Variants in RNF213 observed in about 807,000 individuals in gnomAD.
The protein encoded by RNF213 is ring finger protein 213, also known as E3 ubiquitin-protein ligase RNF213.
Under a neutral mutation model 514.4 loss-of-function variants are expected in RNF213, and 341 were observed. The observed-to-expected ratio is 0.66, with a 90% CI of 0.61 to 0.73. The LOEUF (loss-of-function observed/expected upper bound fraction) is 0.73. RNF213 is among the 30% of genes least tolerant of loss of function. The pLI, the probability that RNF213 is intolerant of heterozygous loss-of-function variation, is 0.00. For missense variants in RNF213, 5,767 were observed against 6,615.6 expected (o/e 0.87, Z 4.45); for synonymous variants, 2,655 against 2,658.2 (o/e 1.00, Z 0.04).
At chr17:80,315,655 ATGG>A (rs1599004292) in intron 15 of RNF213, 2 of 103,188 alleles carry the variant, frequency 1.9e-5, no homozygotes, top group Non-Finnish European at 1.9e-5. Context: ...AATGGAGGTG[ATGG>A]TGGTGGTACT....
chr17:80,361,850 C>T lies in RNF213; in HGVS notation c.11317C>T (p.Leu3773Phe). 1.2e-6 allele frequency: 2 copies of T among 1,613,824 alleles called. No homozygotes were observed. Among genetic ancestry groups the T allele is most frequent in the Non-Finnish European group, 1.7e-6 (2 of 1,179,818 alleles). ...TCAGTGTTACTTGAAGGATTTCATT[C>T]TCTTGACCATGCGTGTGTCAACGGA... ...LLQCYLKDFI[L>F]LTMRVSTEEE... The change falls in exon 39 of 68, where the codon CTC (leucine) becomes TTC (phenylalanine). Residue 3773 changes from leucine (L) to phenylalanine (F), a missense_variant. Physicochemically the swap from Leu to Phe is conservative, Grantham distance 22. Transcript: ENST00000582970.
rs2046073146 is a variant in RNF213, at chr17:80,319,679, A to T, written c.3024+367A>T. On this transcript the variant is annotated intron_variant, in intron 17 of 67. Coordinates refer to ENST00000582970, the MANE Select transcript of RNF213 (RefSeq NM_001256071.3). ...TTGCTCAGTAGGTGTGCGGGAAGAG[A>T]CTCCAAAGGTTGACAGAACATTTAT... is the stretch of plus-strand genomic sequence containing the variant. 5.5e-6 allele frequency: 8 copies of T among 1,445,400 alleles called. No individual in the cohort carries two copies. In the African/African-American group the frequency reaches 1.1e-4, roughly 21 times the overall value. 89.5% of individuals were successfully genotyped at this position (1,445,400 alleles called of 1,614,324 possible).
At chr17:80,359,847 G>T (rs1023221251) in intron 37 of RNF213, among the ~76,000 whole-genome samples, 1 of 152,196 alleles carries the variant, frequency 6.6e-6, no homozygotes, top group African/African-American at 2.4e-5. Flanking sequence ...GTTTGTTTTT[G>T]TTTTGCCTGT....
Position 80,343,310 on chromosome 17 carries a change from G to A in RNF213, c.6168G>A (p.Leu2056=). The part of the protein sequence containing the change: ...QYQKVPVLFH[L]DVTSSVQTGI... ...AGAAGGTCCCCGTGCTCTTTCACCT[G>A]GACGTGACCTCCTCAGTAAGTGCCC... is the stretch of plus-strand genomic sequence containing the variant. The change falls in exon 27 of 68, where the codon CTG becomes CTA. Residue 2056 remains leucine, a synonymous_variant. Coordinates refer to ENST00000582970, the MANE Select transcript of RNF213 (RefSeq NM_001256071.3). This position sits in a 1 kb window ranked among gnomAD's most constrained non-coding sequence, Gnocchi z 4.3. 6.2e-7 allele frequency: 1 copy of A among 1,612,200 alleles called. No individual in the cohort carries two copies. The highest frequency in any genetic ancestry group is 8.5e-7 in the Non-Finnish European group (1 of 1,179,616).
chr17:80,336,777 GC>G (rs1453903805), intron 23 of RNF213: 2 of 346,070 alleles, frequency 5.8e-6, no homozygotes, highest in African/African-American at 4.3e-5. Context: ...GGTGGTGTGC[GC>G]CTGTAATCCC....
chr17:80,368,898 C>T (rs1243489319), intron 44 of RNF213, among the ~76,000 whole-genome samples: 1 of 152,318 alleles, frequency 6.6e-6, no homozygotes, highest in East Asian at 1.9e-4. Context: ...CCTTCCCCTT[C>T]CCCCCTTCTC....
chr17:80,343,427 C>A lies in RNF213; in HGVS notation c.6183+102C>A. On this transcript the variant is annotated intron_variant, in intron 27 of 67. Coordinates refer to ENST00000582970, the MANE Select transcript of RNF213 (RefSeq NM_001256071.3). The surrounding 1 kb of genome is among the most constrained non-coding windows in gnomAD (Gnocchi z 4.3). ...GTGTATAGAATTCCTTGTTTCCACA[C>A]GCACAGTCCTGTGAAGCTTAACAGT... is the stretch of plus-strand genomic sequence containing the variant. 3 of 1,032,878 alleles carry A rather than the reference C, an allele frequency of 2.9e-6. No individual in the cohort carries two copies. Among genetic ancestry groups the A allele is most frequent in the Non-Finnish European group, 4.4e-6 (3 of 679,398 alleles). The allele number at this position is 1,032,878 out of a possible 1,614,324, so 64.0% of individuals were successfully genotyped here. A position where few individuals can be genotyped will look rare whatever the true frequency, so the allele number is the denominator to read the frequency against.
chr17:80,381,304 A>ACT (rs2079991423), intron 56 of RNF213: 1 of 603,322 alleles, frequency 1.7e-6, no homozygotes, highest in African/African-American at 1.8e-5. Context: ...GAAAGAGCAC[A>ACT]CTGCATAACC....
At position 80,385,607 on chromosome 17, in the gene RNF213, C is replaced by T. The variant is rs190856573; in HGVS notation, c.14525C>T (p.Ser4842Leu). 2.9e-4 allele frequency: 464 copies of T among 1,614,024 alleles called. No homozygotes were observed. The highest frequency in any genetic ancestry group is 3.8e-4 in the East Asian group (17 of 44,874). Residue 4842 changes from serine to leucine, a missense_variant, in exon 61 of 68, where the codon TCG (serine) becomes TTG (leucine). By Grantham distance (145) the Ser-to-Leu change is moderately radical. Around this residue, in one of 13 missense-constraint regions of RNF213, gnomAD observed 1,245 missense variants for 1,339.0 expected, o/e 0.93. Transcript: ENST00000582970. ...FLSTWNKLRR[S>L]LETNGEINLP... ...TCCACATGGAACAAACTGAGGAGAT[C>T]GCTTGAGACGAACGGTTAGTATCCT...
intron 38 of RNF213, 53 bp downstream of exon 38, chr17:80,360,259 T>C: frequency 1.9e-6 from 3 of 1,580,096 alleles, no homozygotes; most frequent in Non-Finnish European, 2.6e-6. Context: ...CACAAAGGGA[T>C]TGCCTGACAG....
rs376776051 is a variant in RNF213 at position 80,347,329 on chromosome 17, C to T, written c.8994C>T (p.Ile2998=). ...SGKDDIQALD[I]FLANLPEAKC... The stretch of plus-strand genomic sequence containing the variant: ...AGGATGACATCCAAGCTTTGGACAT[C>T]TTTCTGGCCAATTTGCCCGAGGCCA... The change falls in exon 29 of 68, where the codon ATC becomes ATT. Residue 2998 remains isoleucine, a synonymous_variant. Transcript: ENST00000582970. The surrounding 1 kb of genome is among the most constrained non-coding windows in gnomAD (Gnocchi z 7.2). 2.5e-6 allele frequency: 4 copies of T among 1,613,902 alleles called. No homozygotes were observed. The highest frequency in any genetic ancestry group is 3.4e-6 in the Non-Finnish European group (4 of 1,180,032).
At position 80,290,487 on chromosome 17, in the gene RNF213, G is replaced by A. The variant is rs538126969; in HGVS notation, c.1113-83G>A. On this transcript the variant is annotated intron_variant, in intron 6 of 67. Coordinates refer to ENST00000582970, the MANE Select transcript of RNF213 (RefSeq NM_001256071.3). ...TGTGTGTGCACGTGTGTGTGCGCAC[G>A]TGTGTGTGTGCGCGTGTGTGCATGC... is the stretch of plus-strand genomic sequence containing the variant. 9.8e-5 allele frequency: 128 copies of A among 1,302,534 alleles called. 1 individual carries two copies. The African/African-American group carries it at 1.2e-3, about 12-fold the overall frequency. The allele number at this position is 1,302,534 out of a possible 1,614,324, so 80.7% of individuals were successfully genotyped here. A position where few individuals can be genotyped will look rare whatever the true frequency, so the allele number is the denominator to read the frequency against.
intron 21 of RNF213, among the ~76,000 whole-genome samples, chr17:80,333,608 C>T (rs1023360733): frequency 4.6e-5 from 7 of 151,178 alleles, no homozygotes; most frequent in Admixed American, 2.0e-4. Context: ...GCAGGAGGAT[C>T]GCTTGAACCA....
At chr17:80,374,784 G>A (rs1433699061) in intron 50 of RNF213, 195 bp downstream of exon 50, 1 of 604,252 alleles carries the variant, frequency 1.7e-6, no homozygotes, top group Non-Finnish European at 3.0e-6. Flanking sequence ...GCTGGAACAG[G>A]ACAGCTATGA....
At chr17:80,308,529 A>G (rs2045455296) in intron 13 of RNF213, among the ~76,000 whole-genome samples, 1 of 150,520 alleles carries the variant, frequency 6.6e-6, no homozygotes, top group African/African-American at 2.4e-5. Flanking sequence ...CCGAGTCCCT[A>G]CCGAGTCCCT....
chr17:80,345,560 C>G lies in RNF213; in HGVS notation c.7225C>G (p.Arg2409Gly). The change falls in exon 29 of 68, where the codon CGG becomes GGG. Residue 2409 changes from arginine to glycine, a missense_variant. Coordinates refer to ENST00000582970, the MANE Select transcript of RNF213 (RefSeq NM_001256071.3). The surrounding 1 kb of genome is among the most constrained non-coding windows in gnomAD (Gnocchi z 6.0). Reference sequence around the variant, plus strand: ...GCTTAAAATCCTTGCCATCGAGATGCGGTTCCGGTGTGGGATCCCGGTTAT... The same window carrying G: ...GCTTAAAATCCTTGCCATCGAGATGGGGTTCCGGTGTGGGATCCCGGTTAT... Reference protein sequence around the residue: ...NMLKILAIEMRFRCGIPVIIM... With the variant: ...NMLKILAIEMGFRCGIPVIIM... The G allele has an allele frequency of 6.2e-7, 1 of 1,613,334 alleles. No individual in the cohort carries two copies. The highest frequency in any genetic ancestry group is 8.5e-7 in the Non-Finnish European group (1 of 1,179,294).
In RNF213 at chr17:80,377,659, A is replaced by C; in HGVS notation, c.13511-103A>C. ...TGGGATGCTCTGGACAGTCATTCTCATATTGTGGTCAGGGCCAGAGAGTAG... is the reference window on the plus strand; with the variant it reads ...TGGGATGCTCTGGACAGTCATTCTCCTATTGTGGTCAGGGCCAGAGAGTAG... On this transcript the variant is annotated intron_variant, in intron 53 of 67. Coordinates refer to ENST00000582970, the MANE Select transcript of RNF213 (RefSeq NM_001256071.3). The surrounding 1 kb of genome is among the most constrained non-coding windows in gnomAD (Gnocchi z 4.1). 1 of 1,249,174 alleles carries C rather than the reference A, an allele frequency of 8.0e-7. No homozygotes were observed. The highest frequency in any genetic ancestry group is 1.2e-6 in the Non-Finnish European group (1 of 846,980). The allele number at this position is 1,249,174 out of a possible 1,614,324, so 77.4% of individuals were successfully genotyped here.
At position 80,348,186 on chromosome 17, in the gene RNF213, C is replaced by T. The variant is rs1330166094; in HGVS notation, c.9851C>T (p.Ser3284Leu). 9.3e-6 allele frequency: 15 copies of T among 1,613,812 alleles called. No homozygotes were observed. The highest frequency in any genetic ancestry group is 1.6e-4 in the Middle Eastern group (1 of 6,062). ...GGCGGGTTCGCAGCGGAGTGGCTGT[C>T]GCAGGAGTACTTTCACAGACAGAGG... ...SLGGFAAEWL[S>L]QEYFHRQRHN... is the part of the protein sequence containing the mutation. Residue 3284 changes from serine to leucine, a missense_variant, in exon 29 of 68, where the codon TCG becomes TTG. Around this residue, in one of 13 missense-constraint regions of RNF213, gnomAD observed 919 missense variants for 1,121.0 expected, o/e 0.82. Transcript: ENST00000582970.
intron 15 of RNF213, chr17:80,316,239 G>A (rs1450244162): frequency 6.6e-6 from 1 of 152,062 alleles, no homozygotes; most frequent in African/African-American, 2.4e-5. Context: ...GTGACGGAGC[G>A]AGACCCTGTC....
Sources: allele counts gnomAD v4.1 joint callset (sites outside exome capture counted in the v4.1 genomes callset), GRCh38; gene constraint gnomAD v4.1.1; regional missense constraint gnomAD v4.1.1; non-coding constraint Gnocchi (gnomAD v3.1); transcripts MANE v1.5; gene names NCBI Gene and HGNC (gene_info 2026-07-23, HGNC 2026-07-21).